The following TRHDE variants were observed in gnomAD, a reference collection of about 807,000 sequenced individuals.
TRHDE encodes thyrotropin releasing hormone degrading enzyme.
A neutral mutation model predicts 125.7 loss-of-function variants in TRHDE; 72 were observed. The ratio of observed to expected loss-of-function variants is 0.57; its 90% CI spans 0.47 to 0.70. The LOEUF (loss-of-function observed/expected upper bound fraction) is 0.70. Among genes scored for constraint, TRHDE ranks in the 30% least tolerant of loss-of-function variants. The pLI is 0.00. For synonymous variants in TRHDE, 509 were observed against 509.1 expected (o/e 1.00, Z 0.00); for missense variants, 1,110 against 1,327.1 (o/e 0.84, Z 2.54).
At chr12:72,567,555 C>T (rs1321248659) in intron 9 of TRHDE, among the ~76,000 whole-genome samples, 1 of 151,964 alleles carries the variant, frequency 6.6e-6, no homozygotes, top group African/African-American at 2.4e-5. Context: ...CCCCAAAAGA[C>T]ATATTCATTA....
intron 3 of TRHDE, among the ~76,000 whole-genome samples, chr12:72,427,144 A>G (rs1406495829): frequency 6.6e-6 from 1 of 152,066 alleles, no homozygotes; most frequent in East Asian, 1.9e-4. Flanking sequence ...GTACCCATAG[A>G]CAATCTGTAA....
chr12:72,445,924 A>G (rs1373806694), intron 3 of TRHDE, among the ~76,000 whole-genome samples: 32 of 151,876 alleles, frequency 2.1e-4, no homozygotes, highest in Admixed American at 2.0e-3. Context: ...CCATGTGGGC[A>G]CTGGTTGGTT....
chr12:72,420,816 A>G (rs1228285868), intron 3 of TRHDE, among the ~76,000 whole-genome samples: 1 of 152,096 alleles, frequency 6.6e-6, no homozygotes, highest in African/African-American at 2.4e-5. Context: ...CTCCCAACAT[A>G]CTCTCAAACA....
At chr12:72,247,769 C>A (rs1565672124) in intron 2 of TRHDE, among the ~76,000 whole-genome samples, 1 of 152,104 alleles carries the variant, frequency 6.6e-6, no homozygotes, top group East Asian at 1.9e-4. Context: ...TGAGCCAGAG[C>A]AATTTCAAGA....
intron 12 of TRHDE, among the ~76,000 whole-genome samples, chr12:72,595,180 G>C (rs1871881128): frequency 1.3e-5 from 2 of 150,122 alleles, no homozygotes; most frequent in Non-Finnish European, 3.0e-5. Flanking sequence ...GAGTTAATGG[G>C]TGCAGCACAC....
At chr12:72,140,838 A>G (rs775274677) in intron 2 of TRHDE, among the ~76,000 whole-genome samples, 1 of 152,198 alleles carries the variant, frequency 6.6e-6, no homozygotes, top group South Asian at 2.1e-4. Flanking sequence ...CAATAAAAAT[A>G]GTGTAACTCA....
chr12:72,408,465 CTA>C (rs1873358181), intron 3 of TRHDE, among the ~76,000 whole-genome samples: 1 of 152,012 alleles, frequency 6.6e-6, no homozygotes, highest in Non-Finnish European at 1.5e-5. Context: ...TAAAGAGTAC[CTA>C]TAAACACACT....
rs79509820 is a variant in TRHDE, at chr12:72,506,099, C to T, written c.1722+6464C>T. Among the ~76,000 whole-genome samples the T allele has an allele frequency of 1.6e-3, 238 of 152,244 alleles. 1 individual carries two copies. The highest frequency in any genetic ancestry group is 5.6e-3 in the African/African-American group (231 of 41,558). On this transcript the variant is annotated intron_variant, in intron 6 of 18. Coordinates refer to ENST00000261180, the MANE Select transcript of TRHDE (RefSeq NM_013381.3). ...GGACTGCTTGAGCCCAGGAGTTCAA[C>T]TCAAGTCTGGTGAACATAGTGAGAC...
intron 2 of TRHDE, among the ~76,000 whole-genome samples, chr12:72,328,741 G>C (rs569790794): frequency 6.6e-6 from 1 of 152,100 alleles, no homozygotes; most frequent in Non-Finnish European, 1.5e-5. Flanking sequence ...GAGAGGAAAA[G>C]TTTCTTTGCT....
At chr12:72,363,770 G>A (rs2135754979) in intron 2 of TRHDE, among the ~76,000 whole-genome samples, 1 of 152,190 alleles carries the variant, frequency 6.6e-6, no homozygotes, top group Admixed American at 6.5e-5. Context: ...GTTCTAGCCA[G>A]GGCAATGAGG....
rs145780318 is a variant in TRHDE at position 72,598,825 on chromosome 12, C to T, written c.2322-20066C>T. ...AGGTTTGGTATAGAAATGATCCCATCAGCCAGATAATGATCATAGTACTCA... is the reference window on the plus strand; with the variant it reads ...AGGTTTGGTATAGAAATGATCCCATTAGCCAGATAATGATCATAGTACTCA... On this transcript the variant is annotated intron_variant, in intron 12 of 18. Coordinates refer to ENST00000261180, the MANE Select transcript of TRHDE (RefSeq NM_013381.3). 1.1e-4 allele frequency among the ~76,000 whole-genome samples: 17 copies of T among 152,128 alleles called. No homozygotes were observed. The East Asian group carries it at 1.2e-3, about 10-fold the overall frequency.
At chr12:72,338,973 G>A (rs892685372) in intron 2 of TRHDE, among the ~76,000 whole-genome samples, 2 of 152,102 alleles carry the variant, frequency 1.3e-5, no homozygotes, top group Non-Finnish European at 2.9e-5. Flanking sequence ...AACCAATTCA[G>A]TTTATCTGTA....
rs199912564 is a variant in TRHDE, at chr12:72,380,698, G to GCTTCCTTCCTTCCTTCCTTC, written c.1315+2593_1315+2612dup. On this transcript the variant is annotated intron_variant, in intron 3 of 18. Transcript: ENST00000261180. ...GATCATGGACCGCCAGCAGGCTGCA[G>GCTTCCTTCCTTCCTTCCTTC]CTTCCTTCCTTCCTTCCTTCCTTCC... 2.0e-3 allele frequency among the ~76,000 whole-genome samples: 270 copies of GCTTCCTTCCTTCCTTCCTTC among 132,032 alleles called. 8 individuals are homozygous for GCTTCCTTCCTTCCTTCCTTC. The highest frequency in any genetic ancestry group is 8.9e-3 in the African/African-American group (260 of 29,332). The allele number at this position is 132,032 out of a possible 152,430, so 86.6% of individuals were successfully genotyped here.
intron 2 of TRHDE, among the ~76,000 whole-genome samples, chr12:72,356,801 A>G (rs1338404017): frequency 6.6e-6 from 1 of 151,508 alleles, no homozygotes; most frequent in African/African-American, 2.4e-5. Flanking sequence ...AGGATAAGTA[A>G]AACAAAGCCA....
chr12:72,155,102 C>CT (rs550269244), intron 2 of TRHDE, among the ~76,000 whole-genome samples: 10 of 152,106 alleles, frequency 6.6e-5, no homozygotes, highest in Admixed American at 5.2e-4. Context: ...TCTTTTTATT[C>CT]TTTTTTCTCT....
chr12:72,543,867 G>T (rs1023500814), intron 7 of TRHDE, among the ~76,000 whole-genome samples: 1 of 148,648 alleles, frequency 6.7e-6, no homozygotes, highest in Non-Finnish European at 1.5e-5. Flanking sequence ...ACTTTCTATG[G>T]TGTGCAAAAT....
chr12:72,570,293 A>T (rs563202152), intron 10 of TRHDE, among the ~76,000 whole-genome samples: 39 of 152,220 alleles, frequency 2.6e-4, no homozygotes, highest in African/African-American at 9.4e-4. Context: ...CAAGAATAGT[A>T]TCCCAGGCTG....
chr12:72,265,737 G>A (rs1879052966), intron 2 of TRHDE, among the ~76,000 whole-genome samples: 1 of 151,816 alleles, frequency 6.6e-6, no homozygotes, highest in Non-Finnish European at 1.5e-5. Context: ...CACATATTGT[G>A]ATCTAGTCTC....
chr12:72,310,488 A>G (rs761983267), intron 2 of TRHDE, among the ~76,000 whole-genome samples: 8 of 152,224 alleles, frequency 5.3e-5, no homozygotes, highest in Non-Finnish European at 7.3e-5. Flanking sequence ...TTGAAACACT[A>G]TATTTCTACA....
Sources: allele counts gnomAD v4.1 joint callset (sites outside exome capture counted in the v4.1 genomes callset), GRCh38; gene constraint gnomAD v4.1.1; transcripts MANE v1.5; gene names NCBI Gene and HGNC (gene_info 2026-07-23, HGNC 2026-07-21).